Variants in COL4A2 observed in about 807,000 individuals in gnomAD.
COL4A2 encodes the protein collagen type IV alpha 2 chain, also known as collagen alpha-2(IV) chain.
Under a neutral mutation model 200.2 loss-of-function variants are expected in COL4A2, and 99 were observed. That is an observed-to-expected ratio of 0.49 (90% CI 0.42 to 0.58). COL4A2 has a LOEUF of 0.58. COL4A2 is among the 20% of genes least tolerant of loss of function. The pLI is 0.00. For missense variants in COL4A2, 1,950 were observed against 2,314.1 expected (o/e 0.84, Z 3.23); for synonymous variants, 897 against 900.6 (o/e 1.00, Z 0.07).
In COL4A2 at chr13:110,364,745, G is replaced by GCTATGAGT. The variant is rs1877670214; in HGVS notation, c.180+7194_180+7201dup. 1.3e-5 allele frequency among the ~76,000 whole-genome samples: 2 copies of GCTATGAGT among 152,010 alleles called. 1 individual carries two copies. The highest frequency in any genetic ancestry group is 4.2e-4 in the South Asian group (2 of 4,802). ...CTATCTAGAATAGTCTTACACATTT[G>GCTATGAGT]CTATGAGTTTCCTGTCTCTCCACTC... On this transcript the variant is annotated intron_variant, in intron 4 of 47. Transcript: ENST00000360467.
At chr13:110,390,988 T>C (rs903355309) in intron 4 of COL4A2, among the ~76,000 whole-genome samples, 4 of 152,250 alleles carry the variant, frequency 2.6e-5, no homozygotes, top group African/African-American at 9.6e-5. Flanking sequence ...TATCCAATCA[T>C]TTGGGTCCCA....
At chr13:110,460,046 T>C (rs1881963026) in intron 22 of COL4A2, among the ~76,000 whole-genome samples, 1 of 152,224 alleles carries the variant, frequency 6.6e-6, no homozygotes, top group Admixed American at 6.5e-5. Context: ...AAAGAAAGTA[T>C]ACTTTTTGTT....
At chr13:110,312,103 C>G (rs1341269124) in intron 3 of COL4A2, among the ~76,000 whole-genome samples, 2 of 152,214 alleles carry the variant, frequency 1.3e-5, no homozygotes, top group African/African-American at 4.8e-5. Flanking sequence ...CGCTATTGCT[C>G]AAAACATGGC....
intron 4 of COL4A2, among the ~76,000 whole-genome samples, chr13:110,422,738 C>T (rs114804376): frequency 0.015 from 2,274 of 152,252 alleles, 59 homozygotes; most frequent in African/African-American, 0.052. Flanking sequence ...AGCTTCCACC[C>T]CAAAAAATCA....
In COL4A2 at chr13:110,357,473, G is replaced by T. The variant is rs1038667228; in HGVS notation, c.101G>T (p.Gly34Val). Residue 34 changes from glycine (G) to valine (V), a missense_variant and splice_region_variant, in exon 4 of 48, where the codon GGT (glycine) becomes GTT (valine). By Grantham distance (109) the Gly-to-Val change is moderately radical. Coordinates refer to ENST00000360467, the MANE Select transcript of COL4A2 (RefSeq NM_001846.4). ...VGFLAQSVLA[G>V]VKKFDVPCGG... Reference sequence around the variant, plus strand: ...TTGCCTTGTGTTTTATTGTTGCAGGGTGTGAAGAAGTTTGATGTGCCGTGT... The same window carrying T: ...TTGCCTTGTGTTTTATTGTTGCAGGTTGTGAAGAAGTTTGATGTGCCGTGT... 3 of 1,587,428 alleles carry T rather than the reference G, an allele frequency of 1.9e-6. No homozygotes were observed. The highest frequency in any genetic ancestry group is 3.3e-4 in the Middle Eastern group (2 of 6,024).
At chr13:110,505,746 G>A (rs185612883) in intron 45 of COL4A2, among the ~76,000 whole-genome samples, 4 of 152,316 alleles carry the variant, frequency 2.6e-5, no homozygotes, top group East Asian at 1.9e-4. Context: ...GGTCAAGTGC[G>A]CAGTCAGCAT....
intron 4 of COL4A2, among the ~76,000 whole-genome samples, chr13:110,402,785 C>G (rs1879419070): frequency 1.3e-5 from 2 of 152,380 alleles, no homozygotes; most frequent in South Asian, 4.1e-4. Context: ...TGTGTCAGGT[C>G]TGTGCCTGGT....
chr13:110,501,429 C>T (rs1883635477), intron 40 of COL4A2, among the ~76,000 whole-genome samples: 1 of 152,108 alleles, frequency 6.6e-6, no homozygotes, highest in Admixed American at 6.5e-5. Flanking sequence ...CAGTGGAGGG[C>T]TCCTCACAGG....
At chr13:110,308,206 C>T (rs1884856093) in intron 3 of COL4A2, 83 bp downstream of exon 3, 1 of 1,492,204 alleles carries the variant, frequency 6.7e-7, no homozygotes. Flanking sequence ...GCAGCTCGTC[C>T]GTGCGCTCCC....
intron 10 of COL4A2, chr13:110,430,840 A>C: frequency 1.3e-6 from 1 of 759,230 alleles, no homozygotes; most frequent in Non-Finnish European, 2.4e-6. Context: ...CAGTTATGTC[A>C]AATTTTGACT....
rs182377680 is a variant in COL4A2, at chr13:110,364,660, T to C, written c.180+7108T>C. ...ATATAAGCCCAATAGGTCACCCATC[T>C]TGGTCTTACTTTCATGAAACCCTGA... On this transcript the variant is annotated intron_variant, in intron 4 of 47. Coordinates refer to ENST00000360467, the MANE Select transcript of COL4A2 (RefSeq NM_001846.4). Among the ~76,000 whole-genome samples the C allele has an allele frequency of 1.3e-3, 194 of 152,340 alleles. 2 individuals carry two copies. The highest frequency in any genetic ancestry group is 7.8e-4 in the Non-Finnish European group (53 of 68,036).
intron 4 of COL4A2, among the ~76,000 whole-genome samples, chr13:110,368,483 C>G (rs1222700416): frequency 6.6e-6 from 1 of 152,200 alleles, no homozygotes; most frequent in Non-Finnish European, 1.5e-5. Flanking sequence ...ATGCCTTTGA[C>G]TAGACATAAA....
At chr13:110,368,682 G>A (rs1193233360) in intron 4 of COL4A2, among the ~76,000 whole-genome samples, 1 of 152,146 alleles carries the variant, frequency 6.6e-6, no homozygotes, top group Non-Finnish European at 1.5e-5. Context: ...CAAGGATTGC[G>A]TAGGAGTTGA....
chr13:110,357,411 T>C, intron 3 of COL4A2, 61 bp from the exon 4 acceptor site: 1 of 1,545,914 alleles, frequency 6.5e-7, no homozygotes, highest in Non-Finnish European at 8.8e-7. Context: ...GATATTTTAA[T>C]ACATGTTGTA....
chr13:110,380,114 C>T (rs895332543), intron 4 of COL4A2, among the ~76,000 whole-genome samples: 2 of 152,184 alleles, frequency 1.3e-5, no homozygotes, highest in African/African-American at 4.8e-5. Flanking sequence ...CTGTGGATTG[C>T]AGATGAAAAG....
chr13:110,385,840 T>TGTGTGGATAGACCGTGGTTACAGC lies in COL4A2; in HGVS notation c.180+28298_180+28299insACCGTGGTTACAGCGTGTGGATAG, dbSNP rs1566505426. Reference sequence around the variant, plus strand: ...GTGTGTGGATAGGCCGTGGTTACAGTGTGTGGATAGGCCGTGGTTGCAGCG... The same window carrying TGTGTGGATAGACCGTGGTTACAGC: ...GTGTGTGGATAGGCCGTGGTTACAGTGTGTGGATAGACCGTGGTTACAGCGTGTGGATAGGCCGTGGTTGCAGCG... On this transcript the variant is annotated intron_variant, in intron 4 of 47. Coordinates refer to ENST00000360467, the MANE Select transcript of COL4A2 (RefSeq NM_001846.4). 2.1e-3 allele frequency among the ~76,000 whole-genome samples: 99 copies of TGTGTGGATAGACCGTGGTTACAGC among 47,242 alleles called. 21 individuals carry two copies. Among genetic ancestry groups the TGTGTGGATAGACCGTGGTTACAGC allele is most frequent in the East Asian group, 8.1e-3 (13 of 1,608 alleles). The allele number at this position is 47,242 out of a possible 152,430, so 31.0% of individuals were successfully genotyped here. A position where few individuals can be genotyped will look rare whatever the true frequency, so the allele number is the denominator to read the frequency against.
chr13:110,319,313 G>C (rs1212310997), intron 3 of COL4A2, among the ~76,000 whole-genome samples: 1 of 152,182 alleles, frequency 6.6e-6, no homozygotes, highest in African/African-American at 2.4e-5. Flanking sequence ...TTAAATTTCA[G>C]TCAAGGTGTA....
intron 3 of COL4A2, 42 bp from the exon 4 acceptor site, chr13:110,357,430 T>C: frequency 6.4e-7 from 1 of 1,556,712 alleles, no homozygotes; most frequent in Non-Finnish European, 8.7e-7. Context: ...TAGTTGGCAA[T>C]GTTTAGGTAA....
intron 4 of COL4A2, among the ~76,000 whole-genome samples, chr13:110,412,963 G>A (rs978677363): frequency 6.6e-6 from 1 of 152,164 alleles, no homozygotes; most frequent in Non-Finnish European, 1.5e-5. Context: ...AGATCATCTG[G>A]TGGAACGAAC....
Sources: gnomAD v4.1 joint callset for allele counts (sites outside exome capture counted in the v4.1 genomes callset) on GRCh38, gnomAD v4.1.1 for gene constraint, MANE v1.5 for transcripts, NCBI Gene and HGNC (gene_info 2026-07-23, HGNC 2026-07-21) for gene names.